Variants in ZNF831 observed in about 807,000 individuals in gnomAD.
ZNF831 encodes the protein chromosome 20 open reading frame 174.
In ZNF831, 59 loss-of-function variants were observed where a neutral mutation model predicts 95.8. The ratio of observed to expected loss-of-function variants is 0.62; its 90% CI spans 0.50 to 0.77. The LOEUF (loss-of-function observed/expected upper bound fraction) is 0.77. ZNF831 is among the 30% of genes least tolerant of loss of function. The probability of loss-of-function intolerance (pLI) is 0.00; values close to 1 mark genes in which losing one functional copy is unlikely to be tolerated. For missense variants in ZNF831, 2,205 were observed against 2,164.0 expected, an observed-to-expected ratio of 1.02 and a Z score of -0.38; for synonymous variants, 961 against 925.5, an observed-to-expected ratio of 1.04 and a Z score of -0.70.
rs1313921085 is a variant in ZNF831, at chr20:59,254,759, A to G, written c.*16A>G. 2.6e-6 allele frequency: 4 copies of G among 1,542,960 alleles called. No individual in the cohort carries two copies. Among genetic ancestry groups the G allele is most frequent in the Non-Finnish European group, 1.7e-6 (2 of 1,150,332 alleles). ...AGAAATATGAAGCTTCCAGAGAAAC[A>G]TGGTGTCTGGTCAAAAAGACTGTTG... is the stretch of plus-strand genomic sequence containing the variant. On this transcript the variant is annotated 3_prime_UTR_variant, in exon 6 of 6. Coordinates refer to ENST00000371030, the MANE Select transcript of ZNF831 (RefSeq NM_178457.3). The surrounding 1 kb of genome is among the most constrained non-coding windows in gnomAD (Gnocchi z 4.5).
Position 59,192,379 on chromosome 20 carries a change from T to G in ZNF831, c.1360T>G (p.Phe454Val). ...CTACACCTACAAGGACTCCTTCCAC[T>G]TTGACATCCGCGCGCTGGAGCCAGG... ...TPYTYKDSFH[F>V]DIRALEPGRR... Residue 454 changes from phenylalanine to valine, a missense_variant, in exon 2 of 6, where the codon TTT (phenylalanine) becomes GTT (valine). Coordinates refer to ENST00000371030, the MANE Select transcript of ZNF831 (RefSeq NM_178457.3). This position sits in a 1 kb window ranked among gnomAD's most constrained non-coding sequence, Gnocchi z 5.2. The G allele has an allele frequency of 6.2e-7, 1 of 1,612,108 alleles. No homozygotes were observed. The highest frequency in any genetic ancestry group is 8.5e-7 in the Non-Finnish European group (1 of 1,179,548).
In ZNF831 at chr20:59,192,063, GC is replaced by G; in HGVS notation, c.1045del (p.Arg349AlafsTer185). 1 of 1,606,990 alleles carries G rather than the reference GC, an allele frequency of 6.2e-7. No homozygotes were observed. Among genetic ancestry groups the G allele is most frequent in the Non-Finnish European group, 8.5e-7 (1 of 1,178,954 alleles). ...CESTDSGYLSRSDSAEQPHAP... is the reference protein window; with the variant it reads ...CESTDSGYLSXSDSAEQPHAP... ...AGAGCACCGACTCGGGGTACCTGTC[GC>G]GCTCCGACAGCGCGGAGCAGCCGCA... On this transcript the variant is annotated frameshift_variant, in exon 2 of 6. Coordinates refer to ENST00000371030, the MANE Select transcript of ZNF831 (RefSeq NM_178457.3). LOFTEE classifies it high-confidence loss of function. This position sits in a 1 kb window ranked among gnomAD's most constrained non-coding sequence, Gnocchi z 5.2.
At chr20:59,187,832 ATAATT>A in intron 1 of ZNF831, among the ~76,000 whole-genome samples, 1 of 152,036 alleles carries the variant, frequency 6.6e-6, no homozygotes, top group Non-Finnish European at 1.5e-5. Flanking sequence ...GGCAACCACT[ATAATT>A]TGTTTTCTGT....
Position 59,148,121 on chromosome 20 carries a change from C to T in ZNF831, c.-1281+1747C>T, listed in dbSNP as rs572699249. Among the ~76,000 whole-genome samples, 4 of 152,306 alleles carry T rather than the reference C, an allele frequency of 2.6e-5. No individual in the cohort carries two copies. In the South Asian group the frequency reaches 8.3e-4, roughly 32 times the overall value. ...ACCTAGAGCCTGATGGGGCCATTGA[C>T]GCTAATTGTTAAGTGCCGTTGGTCA... On this transcript the variant is annotated intron_variant, in intron 2 of 7. Coordinates refer to the ZNF831 transcript ENST00000637017.
chr20:59,254,863 A>G lies in ZNF831; in HGVS notation c.*120A>G, dbSNP rs571767556. The stretch of plus-strand genomic sequence containing the variant: ...GAAACACCTACAGATTAGGAAAGCC[A>G]TTTTGAGTTATTTACAAGCCAACTC... On this transcript the variant is annotated 3_prime_UTR_variant, in exon 6 of 6. Transcript: ENST00000371030. The surrounding 1 kb of genome is among the most constrained non-coding windows in gnomAD (Gnocchi z 4.5). 28 of 1,390,140 alleles carry G rather than the reference A, an allele frequency of 2.0e-5. No individual in the cohort carries two copies. In the South Asian group the frequency reaches 3.9e-4, roughly 20 times the overall value. 86.1% of individuals were successfully genotyped at this position (1,390,140 alleles called of 1,614,324 possible).
intron 4 of ZNF831, among the ~76,000 whole-genome samples, chr20:59,223,227 C>T (rs891764176): frequency 1.3e-5 from 2 of 152,098 alleles, no homozygotes; most frequent in Non-Finnish European, 2.9e-5. Flanking sequence ...GTGCCGAAGG[C>T]TCTATTGGGT....
At chr20:59,238,883 T>C (rs925931560) in intron 4 of ZNF831, among the ~76,000 whole-genome samples, 4 of 152,208 alleles carry the variant, frequency 2.6e-5, no homozygotes, top group African/African-American at 9.6e-5. Flanking sequence ...CGAAGCATAC[T>C]TGACAGTCAC....
chr20:59,165,495 T>C (rs934199092), intron 1 of ZNF831, among the ~76,000 whole-genome samples: 1 of 152,170 alleles, frequency 6.6e-6, no homozygotes, highest in African/African-American at 2.4e-5. Context: ...TTATTCCAGG[T>C]TACAGGGTTT....
At chr20:59,170,556 G>T (rs1981645356) in intron 1 of ZNF831, among the ~76,000 whole-genome samples, 2 of 152,162 alleles carry the variant, frequency 1.3e-5, no homozygotes, top group African/African-American at 4.8e-5. Context: ...CCTGGAATGT[G>T]GTCTATCTTG....
At chr20:59,232,149 G>A (rs754368597) in intron 4 of ZNF831, among the ~76,000 whole-genome samples, 6 of 152,118 alleles carry the variant, frequency 3.9e-5, no homozygotes, top group East Asian at 1.9e-4. Context: ...CTCACTTTCC[G>A]TTACAGCAAC....
At chr20:59,160,441 C>T (rs1476646446), upstream of ZNF831, 2 of 152,412 alleles carry the variant, frequency 1.3e-5, no homozygotes, top group African/African-American at 4.8e-5. Flanking sequence ...CAGAGGTGCT[C>T]CTTCATCCCC....
intron 4 of ZNF831, among the ~76,000 whole-genome samples, chr20:59,228,184 C>T (rs1020832396): frequency 6.6e-6 from 1 of 152,134 alleles, no homozygotes; most frequent in African/African-American, 2.4e-5. Context: ...GCAAACCACG[C>T]TAAAACTCAG....
intron 1 of ZNF831, among the ~76,000 whole-genome samples, chr20:59,167,581 T>C (rs1981383095): frequency 6.6e-6 from 1 of 152,200 alleles, no homozygotes; most frequent in African/African-American, 2.4e-5. Flanking sequence ...TTTACAGTTT[T>C]ATATTTCACA....
intron 1 of ZNF831, among the ~76,000 whole-genome samples, chr20:59,185,671 C>A (rs1186127982): frequency 1.3e-5 from 2 of 152,214 alleles, no homozygotes; most frequent in Non-Finnish European, 2.9e-5. Flanking sequence ...TGGACGCACA[C>A]TCCGGGCTGT....
At chr20:59,233,774 C>T (rs1183585642) in intron 4 of ZNF831, among the ~76,000 whole-genome samples, 1 of 152,256 alleles carries the variant, frequency 6.6e-6, no homozygotes, top group Admixed American at 6.5e-5. Flanking sequence ...AGGACAAGAA[C>T]CTTAAAGAAT....
At chr20:59,152,751 T>C (rs926573876) in intron 2 of ZNF831, among the ~76,000 whole-genome samples, 2 of 152,078 alleles carry the variant, frequency 1.3e-5, no homozygotes, top group South Asian at 2.1e-4. Context: ...TACAGCTCCC[T>C]TGGGGCCCCT....
rs1988064580 is a variant in ZNF831, at chr20:59,254,284, A to G, written c.4575A>G (p.Thr1525=). The change falls in exon 6 of 6, where the codon ACA becomes ACG. Residue 1525 remains threonine (T), a synonymous_variant. Coordinates refer to ENST00000371030, the MANE Select transcript of ZNF831 (RefSeq NM_178457.3). This position sits in a 1 kb window ranked among gnomAD's most constrained non-coding sequence, Gnocchi z 4.5. ...GCCAGACTGCAGGGAGGACTCTGAC[A>G]TCAAGCTCCCCAGACAGCAAAGTCA... ...DHSQTAGRTL[T]SSSPDSKVTE... 1.9e-6 allele frequency: 3 copies of G among 1,614,090 alleles called. No individual in the cohort carries two copies. The highest frequency in any genetic ancestry group is 1.7e-6 in the Non-Finnish European group (2 of 1,179,968).
rs1960682 is a variant in ZNF831 at position 59,202,341 on chromosome 20, A to T, written c.3876-4564A>T. ...TTTTCAACCTTTTTTTTTTTTTTTAAAAAAAAAAACACATCTAATGTTTTG... is the reference window on the plus strand; with the variant it reads ...TTTTCAACCTTTTTTTTTTTTTTTATAAAAAAAAACACATCTAATGTTTTG... On this transcript the variant is annotated intron_variant, in intron 3 of 5. Transcript: ENST00000371030. Among the ~76,000 whole-genome samples the T allele has an allele frequency of 9.6e-3, 945 of 98,398 alleles. 12 individuals are homozygous for T. Among genetic ancestry groups the T allele is most frequent in the African/African-American group, 0.025 (689 of 27,612 alleles). 64.6% of individuals were successfully genotyped at this position (98,398 alleles called of 152,430 possible).
chr20:59,165,135 CG>C (rs1981155173), intron 1 of ZNF831, among the ~76,000 whole-genome samples: 1 of 152,128 alleles, frequency 6.6e-6, no homozygotes, highest in Non-Finnish European at 1.5e-5. Flanking sequence ...GCTGTGCTTC[CG>C]CTGGGAAGCT....
Sources: allele counts gnomAD v4.1 joint callset (sites outside exome capture counted in the v4.1 genomes callset), GRCh38; gene constraint gnomAD v4.1.1; non-coding constraint Gnocchi (gnomAD v3.1); transcripts MANE v1.5; gene names NCBI Gene and HGNC (gene_info 2026-07-23, HGNC 2026-07-21).